SGCD: variants seen among roughly 807,000 people sequenced by gnomAD.
SGCD encodes sarcoglycan delta, also known as delta-sarcoglycan.
SGCD carries 18 observed loss-of-function variants against 36.6 expected under a neutral mutation model. The observed-to-expected ratio is 0.49, with a 90% confidence interval of 0.34 to 0.73. The LOEUF (loss-of-function observed/expected upper bound fraction) is 0.73, where lower values mean the gene tolerates loss of function less well. SGCD is among the 30% of genes least tolerant of loss of function. SGCD has a pLI of 0.01. For missense variants in SGCD, 387 were observed against 346.7 expected (o/e 1.12, Z -0.92); for synonymous variants, 133 against 130.6 (o/e 1.02, Z -0.12).
At chr5:155,906,982 T>C (rs1073677) in intron 1 of SGCD, among the ~76,000 whole-genome samples, 8,849 of 152,202 alleles carry the variant, frequency 0.058, 440 homozygotes, top group African/African-American at 0.14. Flanking sequence ...TGCCTGGTTT[T>C]AAAGCTTCAC....
the SGCD span, among the ~76,000 whole-genome samples, chr5:155,751,456 G>T: frequency 1.3e-5 from 2 of 152,036 alleles, no homozygotes; most frequent in African/African-American, 4.8e-5. Context: ...TGCAATTGCG[G>T]CTCACTCCGG....
chr5:156,054,865 TAAACTC>T (rs1378614426), intron 1 of SGCD, among the ~76,000 whole-genome samples: 4 of 146,784 alleles, frequency 2.7e-5, no homozygotes, highest in Non-Finnish European at 4.6e-5. Context: ...ACATTATTCT[TAAACTC>T]AAAATGGAGA....
At chr5:156,181,823 C>T (rs1436794536) in intron 3 of SGCD, among the ~76,000 whole-genome samples, 3 of 152,282 alleles carry the variant, frequency 2.0e-5, no homozygotes. Flanking sequence ...ATCCAGTTAG[C>T]AGATATTTCA....
intron 3 of SGCD, among the ~76,000 whole-genome samples, chr5:156,311,017 A>G (rs1386838542): frequency 6.6e-6 from 1 of 152,228 alleles, no homozygotes; most frequent in African/African-American, 2.4e-5. Context: ...TAGAGGGAAC[A>G]GCATCTGTGA....
intron 7 of SGCD, among the ~76,000 whole-genome samples, chr5:156,678,043 T>C (rs1479361248): frequency 6.6e-6 from 1 of 152,130 alleles, no homozygotes; most frequent in African/African-American, 2.4e-5. Context: ...AGCTGGGGAG[T>C]TTAAAAATAA....
At chr5:156,173,269 A>G (rs75160465) in intron 3 of SGCD, among the ~76,000 whole-genome samples, 2 of 152,202 alleles carry the variant, frequency 1.3e-5, no homozygotes, top group Admixed American at 6.5e-5. Flanking sequence ...AAAATACCAC[A>G]TGTGGACTTG....
chr5:155,764,023 G>A, the SGCD span, among the ~76,000 whole-genome samples: 626 of 152,102 alleles, frequency 4.1e-3, 2 homozygotes, highest in Non-Finnish European at 7.2e-3. Context: ...TTTGCTTTTT[G>A]AAAATTGTCA....
chr5:156,485,839 C>T (rs899549127), intron 3 of SGCD, among the ~76,000 whole-genome samples: 1 of 152,028 alleles, frequency 6.6e-6, no homozygotes, highest in Non-Finnish European at 1.5e-5. Flanking sequence ...AGTGAAGCAG[C>T]TAGTCCAGCT....
intron 3 of SGCD, among the ~76,000 whole-genome samples, chr5:156,401,324 A>G (rs956391970): frequency 6.6e-6 from 1 of 152,212 alleles, no homozygotes; most frequent in African/African-American, 2.4e-5. Context: ...CAATTATTGG[A>G]TAGTAAAAGG....
At chr5:156,280,077 G>A (rs1054000936) in intron 3 of SGCD, among the ~76,000 whole-genome samples, 1 of 151,884 alleles carries the variant, frequency 6.6e-6, no homozygotes, top group Admixed American at 6.6e-5. Context: ...GCATTGTCTA[G>A]TCTTTCCCTT....
chr5:155,852,079 A>T, the SGCD span, among the ~76,000 whole-genome samples: 1 of 152,212 alleles, frequency 6.6e-6, no homozygotes, highest in Non-Finnish European at 1.5e-5. Flanking sequence ...TAATGACAGG[A>T]CTTGCTGTGG....
chr5:155,735,497 G>T, the SGCD span, among the ~76,000 whole-genome samples: 1 of 152,308 alleles, frequency 6.6e-6, no homozygotes, highest in East Asian at 1.9e-4. Flanking sequence ...GGCTCAGAGG[G>T]GGAAAGGGAC....
intron 7 of SGCD, among the ~76,000 whole-genome samples, chr5:156,700,467 G>C (rs1024113416): frequency 6.6e-6 from 1 of 152,066 alleles, no homozygotes; most frequent in Non-Finnish European, 1.5e-5. Context: ...CTTTCCTCCA[G>C]TTACCAGGAT....
At chr5:156,181,678 AT>A (rs933396436) in intron 3 of SGCD, among the ~76,000 whole-genome samples, 2 of 152,210 alleles carry the variant, frequency 1.3e-5, no homozygotes, top group Admixed American at 6.5e-5. Context: ...TTGTTCAGGA[AT>A]TTTTTTCCTT....
intron 1 of SGCD, among the ~76,000 whole-genome samples, chr5:156,028,731 A>G (rs1285593266): frequency 6.6e-6 from 1 of 152,194 alleles, no homozygotes; most frequent in African/African-American, 2.4e-5. Context: ...TGAGAAAGTC[A>G]TGGAGAAAAT....
intron 7 of SGCD, among the ~76,000 whole-genome samples, chr5:156,709,239 C>G (rs1030450066): frequency 2.6e-5 from 4 of 152,108 alleles, no homozygotes; most frequent in African/African-American, 9.7e-5. Flanking sequence ...CATCTGGTGC[C>G]AAAAATAGAG....
rs73291238 is a variant in SGCD at position 156,355,890 on chromosome 5, G to A, written c.192+11213G>A. Among the ~76,000 whole-genome samples, 1,058 of 152,300 alleles carry A rather than the reference G, an allele frequency of 6.9e-3. 20 individuals carry two copies. Among genetic ancestry groups the A allele is most frequent in the African/African-American group, 0.024 (1,015 of 41,572 alleles). ...GAACTCAAGTGATTTGCCTGCCTCG[G>A]CCTCACATAATTTCTGTGTGTGATC... On this transcript the variant is annotated intron_variant, in intron 3 of 8. Coordinates refer to ENST00000337851, the MANE Select transcript of SGCD (RefSeq NM_000337.6).
At chr5:156,544,822 A>G (rs1046199397) in intron 4 of SGCD, among the ~76,000 whole-genome samples, 1 of 152,162 alleles carries the variant, frequency 6.6e-6, no homozygotes. Context: ...ATATATTGTC[A>G]CCCTTATCTT....
At chr5:156,184,324 A>G (rs543448615) in intron 3 of SGCD, among the ~76,000 whole-genome samples, 1 of 151,762 alleles carries the variant, frequency 6.6e-6, no homozygotes, top group Admixed American at 6.5e-5. Context: ...AGAACTGAAA[A>G]TGTTATCCTG....
Sources: allele counts gnomAD v4.1 joint callset (sites outside exome capture counted in the v4.1 genomes callset), GRCh38; gene constraint gnomAD v4.1.1; transcripts MANE v1.5; gene names NCBI Gene and HGNC (gene_info 2026-07-23, HGNC 2026-07-21).